HTR1F: variants seen among roughly 807,000 people sequenced by gnomAD.
HTR1F encodes 5-hydroxytryptamine receptor 1F.
HTR1F carries 17 observed loss-of-function variants against 24.0 expected under a neutral mutation model. That is an observed-to-expected ratio of 0.71 (90% confidence interval 0.48 to 1.06). The LOEUF is 1.06. Among genes scored for constraint, HTR1F ranks in the 50% least tolerant of loss-of-function variants. The pLI is 0.00. For synonymous variants in HTR1F, 186 were observed against 156.8 expected (o/e 1.19, Z -1.39); for missense variants, 391 against 427.8 (o/e 0.91, Z 0.76).
At chr3:87,932,623 A>G (rs7647245) in intron 2 of HTR1F, among the ~76,000 whole-genome samples, 66,345 of 151,808 alleles carry the variant, frequency 0.44, 15,495 homozygotes, top group African/African-American at 0.61. Context: ...AAAATTCCTC[A>G]ACACATACAC....
intron 2 of HTR1F, among the ~76,000 whole-genome samples, chr3:87,965,265 A>G (rs1705139261): frequency 6.6e-6 from 1 of 152,216 alleles, no homozygotes; most frequent in Admixed American, 6.5e-5. Context: ...AGTTAATAAT[A>G]TGAACTTGCA....
intron 1 of HTR1F, among the ~76,000 whole-genome samples, chr3:87,820,071 A>G (rs1333566214): frequency 2.0e-5 from 3 of 152,160 alleles, no homozygotes. Flanking sequence ...ACTTCAAAAG[A>G]TAATAATAAT....
intron 2 of HTR1F, among the ~76,000 whole-genome samples, chr3:87,931,295 G>C (rs146471739): frequency 0.033 from 4,947 of 151,758 alleles, 243 homozygotes; most frequent in African/African-American, 0.11. Context: ...GAGAACATGC[G>C]GTGTTTGGTT....
chr3:87,855,788 C>G (rs1705185828), intron 2 of HTR1F, among the ~76,000 whole-genome samples: 2 of 152,072 alleles, frequency 1.3e-5, no homozygotes, highest in Admixed American at 1.3e-4. Flanking sequence ...TGCTGTGTCC[C>G]TCTCAGGAAT....
intron 2 of HTR1F, among the ~76,000 whole-genome samples, chr3:87,936,904 C>T (rs1418993238): frequency 5.9e-5 from 9 of 151,358 alleles, no homozygotes; most frequent in Non-Finnish European, 1.0e-4. Flanking sequence ...CTAGACTCTA[C>T]ACCATCTCAA....
chr3:87,853,730 T>G (rs1575948664), intron 2 of HTR1F, among the ~76,000 whole-genome samples: 1 of 152,112 alleles, frequency 6.6e-6, no homozygotes, highest in South Asian at 2.1e-4. Flanking sequence ...CATCTGTTAT[T>G]TTTTGACTTT....
rs1399386090 is a variant in HTR1F, at chr3:87,897,331, T to A, written c.-43+75207T>A. ...ATAAAAAACATAATGCTAAGTGAAA[T>A]AAGCCAGACACACAAAAAAGGAAAA... On this transcript the variant is annotated intron_variant, in intron 2 of 2. Coordinates refer to ENST00000319595, the MANE Select transcript of HTR1F (RefSeq NM_001322209.2). Among the ~76,000 whole-genome samples the A allele has an allele frequency of 2.0e-5, 3 of 151,246 alleles. No homozygotes were observed. In the East Asian group the frequency reaches 5.8e-4, roughly 29 times the overall value.
chr3:87,955,448 A>G (rs1207727221), intron 2 of HTR1F, among the ~76,000 whole-genome samples: 1 of 151,400 alleles, frequency 6.6e-6, no homozygotes, highest in Non-Finnish European at 1.5e-5. Context: ...TCCATTCACC[A>G]TTGATGAATT....
intron 2 of HTR1F, among the ~76,000 whole-genome samples, chr3:87,824,947 T>G (rs1307920911): frequency 6.6e-6 from 1 of 152,208 alleles, no homozygotes; most frequent in Non-Finnish European, 1.5e-5. Context: ...TTCTGAATTT[T>G]TACACTGACG....
chr3:87,848,191 T>C (rs186859755), intron 2 of HTR1F, among the ~76,000 whole-genome samples: 2 of 152,038 alleles, frequency 1.3e-5, no homozygotes, highest in Admixed American at 1.3e-4. Flanking sequence ...AATTTTGTCT[T>C]TTTGATAATA....
intron 2 of HTR1F, among the ~76,000 whole-genome samples, chr3:87,897,534 A>G (rs1212593361): frequency 6.6e-6 from 1 of 152,124 alleles, no homozygotes; most frequent in Non-Finnish European, 1.5e-5. Context: ...CCATGAAAAT[A>G]TTAGCTTATT....
chr3:87,866,809 A>AGTGCGT (rs1465802970), intron 2 of HTR1F, among the ~76,000 whole-genome samples: 1 of 128,374 alleles, frequency 7.8e-6, no homozygotes, highest in Admixed American at 7.4e-5. Flanking sequence ...CATGGGCACA[A>AGTGCGT]GTGTGCGTGC....
At chr3:87,936,539 T>A (rs2107424836) in intron 2 of HTR1F, among the ~76,000 whole-genome samples, 1 of 152,298 alleles carries the variant, frequency 6.6e-6, no homozygotes, top group South Asian at 2.1e-4. Context: ...AAGATAATTT[T>A]TATAACACTC....
chr3:87,979,649 A>G (rs1705498343), intron 2 of HTR1F, among the ~76,000 whole-genome samples: 1 of 152,196 alleles, frequency 6.6e-6, no homozygotes, highest in South Asian at 2.1e-4. Flanking sequence ...TACTCGGCCC[A>G]CTGGGCTTGT....
chr3:87,811,472 G>T (rs1313537937), intron 1 of HTR1F, among the ~76,000 whole-genome samples: 1 of 152,134 alleles, frequency 6.6e-6, no homozygotes, highest in Admixed American at 6.5e-5. Context: ...ATATGACAAT[G>T]ATTTCTCAAA....
Position 87,988,310 on chromosome 3 carries a change from T to TAA in HTR1F, c.-42-2387_-42-2386dup, listed in dbSNP as rs200122834. Among the ~76,000 whole-genome samples the TAA allele has an allele frequency of 1.7e-3, 249 of 143,472 alleles. 1 individual carries two copies. The highest frequency in any genetic ancestry group is 5.7e-3 in the Admixed American group (82 of 14,392). The allele number at this position is 143,472 out of a possible 152,430, so 94.1% of individuals were successfully genotyped here. On this transcript the variant is annotated intron_variant, in intron 2 of 2. Transcript: ENST00000319595. ...CTTTATAACTGGCTAAATGTTGACA[T>TAA]AAAAAAAAAAAACAGAAAGGCAACT...
chr3:87,799,069 A>G (rs1170053762), intron 1 of HTR1F, among the ~76,000 whole-genome samples: 1 of 152,250 alleles, frequency 6.6e-6, no homozygotes, highest in Non-Finnish European at 1.5e-5. Context: ...AAAAATGCAC[A>G]TAGATACAAA....
chr3:87,923,336 T>G (rs1464344726), intron 2 of HTR1F, among the ~76,000 whole-genome samples: 1 of 152,026 alleles, frequency 6.6e-6, no homozygotes, highest in African/African-American at 2.4e-5. Context: ...ACATTGAATC[T>G]GCAGGTCTCT....
rs116247135 is a variant in HTR1F, at chr3:87,842,520, C to A, written c.-43+20396C>A. 4.7e-3 allele frequency among the ~76,000 whole-genome samples: 708 copies of A among 151,736 alleles called. 3 individuals carry two copies. The highest frequency in any genetic ancestry group is 6.7e-3 in the Non-Finnish European group (457 of 67,992). On this transcript the variant is annotated intron_variant, in intron 2 of 2. Transcript: ENST00000319595. ...TTGAGATGAGTTATGAAACATCTCA[C>A]GAGCTATATTAGATTTTCAAATATC...
Sources: allele counts gnomAD v4.1 joint callset (sites outside exome capture counted in the v4.1 genomes callset), GRCh38; gene constraint gnomAD v4.1.1; transcripts MANE v1.5; gene names NCBI Gene and HGNC (gene_info 2026-07-23, HGNC 2026-07-21).